The following THSD7B variants were observed in gnomAD, a reference collection of about 807,000 sequenced individuals.
THSD7B encodes thrombospondin type-1 domain-containing protein 7B.
Under a neutral mutation model 213.6 loss-of-function variants are expected in THSD7B, and 138 were observed. That is an observed-to-expected ratio of 0.65 (90% CI 0.56 to 0.74). The LOEUF is 0.74. Ranked by LOEUF, THSD7B falls within the 30% of genes least tolerant of loss-of-function variation. The probability of loss-of-function intolerance (pLI) is 0.00; values close to 1 mark genes in which losing one functional copy is unlikely to be tolerated. For missense variants in THSD7B, 1,931 were observed against 1,991.5 expected (o/e 0.97, Z 0.58); for synonymous variants, 742 against 687.0 (o/e 1.08, Z -1.25).
At chr2:136,900,773 T>C (rs543585982) in intron 2 of THSD7B, among the ~76,000 whole-genome samples, 1 of 152,216 alleles carries the variant, frequency 6.6e-6, no homozygotes, top group Admixed American at 6.5e-5. Context: ...AAGAGAAAAA[T>C]GTTAATATCT....
intron 5 of THSD7B, among the ~76,000 whole-genome samples, chr2:137,145,268 G>C (rs1055085188): frequency 6.6e-6 from 1 of 152,022 alleles, no homozygotes; most frequent in South Asian, 2.1e-4. Context: ...TAAGAAGAGA[G>C]GCCACAGTTA....
chr2:137,136,530 G>A (rs1679465158), intron 5 of THSD7B, among the ~76,000 whole-genome samples: 1 of 152,166 alleles, frequency 6.6e-6, no homozygotes, highest in Admixed American at 6.6e-5. Flanking sequence ...GTAGGCCATA[G>A]CTCAATGGTT....
chr2:136,962,573 G>A (rs1403118911), intron 2 of THSD7B, among the ~76,000 whole-genome samples: 2 of 151,938 alleles, frequency 1.3e-5, no homozygotes, highest in East Asian at 3.9e-4. Context: ...CTTCAAAGTA[G>A]CCTGTGTCAT....
intron 1 of THSD7B, among the ~76,000 whole-genome samples, chr2:136,845,294 G>C (rs1682989198): frequency 6.6e-6 from 1 of 152,158 alleles, no homozygotes. Context: ...TCAATCAAAG[G>C]GTAACAGTGG....
intron 20 of THSD7B, among the ~76,000 whole-genome samples, chr2:137,638,294 C>T (rs978250197): frequency 4.6e-5 from 7 of 152,110 alleles, no homozygotes; most frequent in Non-Finnish European, 8.8e-5. Context: ...CGGTCTTTCC[C>T]GTGCTATTCT....
chr2:137,537,240 T>C (rs1404662813), intron 15 of THSD7B, among the ~76,000 whole-genome samples: 2 of 151,814 alleles, frequency 1.3e-5, no homozygotes, highest in South Asian at 4.1e-4. Context: ...ACATTGTTCA[T>C]TAATCACTAA....
intron 15 of THSD7B, among the ~76,000 whole-genome samples, chr2:137,536,098 T>C (rs1680500703): frequency 6.7e-6 from 1 of 149,102 alleles, no homozygotes; most frequent in African/African-American, 2.5e-5. Flanking sequence ...AGGCTATGAG[T>C]ACAGAAATCA....
chr2:137,441,409 T>C (rs1281257911), intron 14 of THSD7B, among the ~76,000 whole-genome samples: 1 of 152,144 alleles, frequency 6.6e-6, no homozygotes, highest in Non-Finnish European at 1.5e-5. Flanking sequence ...TATAAACATT[T>C]GGGGTTCATT....
At chr2:137,404,430 G>GATATATATAT (rs59001356) in intron 12 of THSD7B, among the ~76,000 whole-genome samples, 6 of 49,314 alleles carry the variant, frequency 1.2e-4, no homozygotes, top group Non-Finnish European at 1.7e-4. Context: ...GAAACTCTGA[G>GATATATATAT]ATATATATAT....
intron 12 of THSD7B, among the ~76,000 whole-genome samples, chr2:137,292,728 G>A (rs1573939082): frequency 6.6e-6 from 1 of 151,986 alleles, no homozygotes; most frequent in Non-Finnish European, 1.5e-5. Context: ...TATTTGTTGG[G>A]CTTAAAAGAT....
At chr2:137,075,367 G>T (rs1005230853) in intron 3 of THSD7B, among the ~76,000 whole-genome samples, 1 of 152,018 alleles carries the variant, frequency 6.6e-6, no homozygotes, top group African/African-American at 2.4e-5. Flanking sequence ...CTTTCTTCCA[G>T]TTGATCGCAT....
At chr2:137,672,924 C>T (rs1445768434) in intron 27 of THSD7B, among the ~76,000 whole-genome samples, 2 of 152,134 alleles carry the variant, frequency 1.3e-5, no homozygotes, top group African/African-American at 4.8e-5. Flanking sequence ...TGGGGATGAC[C>T]ACTGGATGAA....
chr2:136,792,491 G>A lies in THSD7B; in HGVS notation c.-36+26804G>A, dbSNP rs189460272. On this transcript the variant is annotated intron_variant, in intron 1 of 27. Transcript: ENST00000409968. The stretch of plus-strand genomic sequence containing the variant: ...ACTCATAAAATGTATAACTCCAAGT[G>A]TGAACCCTGGTGTAAACGATGGGCT... 1.7e-3 allele frequency among the ~76,000 whole-genome samples: 265 copies of A among 152,142 alleles called. 3 individuals are homozygous for A. Among genetic ancestry groups the A allele is most frequent in the Middle Eastern group, 3.4e-3 (1 of 294 alleles).
chr2:137,469,448 A>G (rs1688052088), intron 15 of THSD7B, among the ~76,000 whole-genome samples: 2 of 152,200 alleles, frequency 1.3e-5, no homozygotes, highest in African/African-American at 4.8e-5. Context: ...TCTTAATTAA[A>G]AGAAATGAGC....
intron 7 of THSD7B, among the ~76,000 whole-genome samples, chr2:137,190,937 A>ATGAAGGGCCTCT (rs1357366420): frequency 6.6e-6 from 1 of 152,200 alleles, no homozygotes; most frequent in Admixed American, 6.5e-5. Context: ...TCCTTGGGGC[A>ATGAAGGGCCTCT]GACCATTTAT....
chr2:137,243,368 G>A (rs1192162788), intron 10 of THSD7B, among the ~76,000 whole-genome samples: 1 of 152,108 alleles, frequency 6.6e-6, no homozygotes, highest in Non-Finnish European at 1.5e-5. Context: ...CCATTGCATG[G>A]TTACAAAAGG....
chr2:136,806,264 G>A (rs893938897), intron 1 of THSD7B, among the ~76,000 whole-genome samples: 36 of 152,220 alleles, frequency 2.4e-4, no homozygotes, highest in Admixed American at 2.3e-3. Context: ...GTATTGGACA[G>A]TGCGGGCTCT....
At chr2:137,068,551 A>G (rs1328430461) in intron 3 of THSD7B, among the ~76,000 whole-genome samples, 1 of 152,000 alleles carries the variant, frequency 6.6e-6, no homozygotes. Flanking sequence ...CTCTACCAGG[A>G]TTTTTTTGCT....
chr2:136,829,179 T>TAAA (rs34727528), intron 1 of THSD7B, among the ~76,000 whole-genome samples: 225 of 148,490 alleles, frequency 1.5e-3, no homozygotes, highest in East Asian at 4.3e-3. Flanking sequence ...ATCTAATTCT[T>TAAA]AAAAAAAAAA....
Sources: gnomAD v4.1 joint callset for allele counts (sites outside exome capture counted in the v4.1 genomes callset) on GRCh38, gnomAD v4.1.1 for gene constraint, MANE v1.5 for transcripts, NCBI Gene and HGNC (gene_info 2026-07-23, HGNC 2026-07-21) for gene names.